SLC26A4: variants seen among roughly 807,000 people sequenced by gnomAD.
The protein encoded by SLC26A4 is pendrin.
Under a neutral mutation model 90.4 loss-of-function variants are expected in SLC26A4, and 93 were observed. The observed-to-expected ratio is 1.03, with a 90% CI of 0.87 to 1.22. The LOEUF (loss-of-function observed/expected upper bound fraction) is 1.22, where lower values mean the gene tolerates loss of function less well. SLC26A4 is among the 50% of genes most tolerant of loss of function. SLC26A4 has a pLI of 0.00. For missense variants in SLC26A4, 1,127 were observed against 946.2 expected (o/e 1.19, Z -2.51); for synonymous variants, 393 against 354.6 (o/e 1.11, Z -1.22).
intron 20 of SLC26A4, among the ~76,000 whole-genome samples, chr7:107,715,198 G>A (rs1225191077): frequency 2.7e-5 from 4 of 150,414 alleles, no homozygotes; most frequent in African/African-American, 9.8e-5. Flanking sequence ...TCACGCCACA[G>A]CACTCCAGCC....
chr7:107,700,483 A>G (rs1271480928), intron 15 of SLC26A4, among the ~76,000 whole-genome samples: 6 of 152,210 alleles, frequency 3.9e-5, no homozygotes, highest in Non-Finnish European at 7.3e-5. Flanking sequence ...TCATAGAAGG[A>G]AGAGATCCAG....
At chr7:107,708,976 A>G (rs1222034258) in intron 18 of SLC26A4, among the ~76,000 whole-genome samples, 2 of 152,186 alleles carry the variant, frequency 1.3e-5, no homozygotes, top group Non-Finnish European at 2.9e-5. Context: ...CTTAGGTTGA[A>G]TTCTTTAGCA....
At chr7:107,696,804 G>T (rs1040302504) in intron 13 of SLC26A4, among the ~76,000 whole-genome samples, 3 of 152,196 alleles carry the variant, frequency 2.0e-5, no homozygotes, top group African/African-American at 7.2e-5. Context: ...GCCCTCCTGG[G>T]CCTAGAGGGG....
Position 107,680,026 on chromosome 7 carries a change from TATATA to T in SLC26A4, c.766-3168_766-3164del, listed in dbSNP as rs1259617658. On this transcript the variant is annotated intron_variant, in intron 6 of 20. Transcript: ENST00000644269. ...ATCTTATTATATAATATAATCTTAT[TATATA>T]ATATAATCTTATCTTATTATATAAT... 4.5e-5 allele frequency among the ~76,000 whole-genome samples: 6 copies of T among 132,426 alleles called. No individual in the cohort carries two copies. The East Asian group carries it at 8.9e-4, about 20-fold the overall frequency. 86.9% of individuals were successfully genotyped at this position (132,426 alleles called of 152,430 possible). A position where few individuals can be genotyped will look rare whatever the true frequency, so the allele number is the denominator to read the frequency against.
chr7:107,677,869 G>T lies in SLC26A4; in HGVS notation c.765+2760G>T, dbSNP rs187327453. On this transcript the variant is annotated intron_variant, in intron 6 of 20. Transcript: ENST00000644269. ...TGAGTTCAAGTGATCCTCTCACTTT[G>T]GCCTCCCAAAGTTCTGGGATTAAAG... 8.5e-5 allele frequency among the ~76,000 whole-genome samples: 13 copies of T among 152,132 alleles called. No individual in the cohort carries two copies. The East Asian group carries it at 2.5e-3, about 29-fold the overall frequency.
Position 107,687,504 on chromosome 7 carries a change from A to G in SLC26A4, c.1002-1549A>G, listed in dbSNP as rs73421447. Among the ~76,000 whole-genome samples the G allele has an allele frequency of 3.2e-3, 486 of 152,322 alleles. 4 individuals carry two copies. The highest frequency in any genetic ancestry group is 0.011 in the African/African-American group (457 of 41,576). On this transcript the variant is annotated intron_variant, in intron 8 of 20. Coordinates refer to ENST00000644269, the MANE Select transcript of SLC26A4 (RefSeq NM_000441.2). ...ACTTACACAAGTGATTCCTCATTGA[A>G]TCATATGAGAAGAATATATAGTCCC...
At chr7:107,698,237 G>C in intron 14 of SLC26A4, 126 bp downstream of exon 14, 2 of 726,206 alleles carry the variant, frequency 2.8e-6, no homozygotes, top group Non-Finnish European at 2.5e-6. Context: ...TAGTCCACAG[G>C]GAGTGTCATG....
At position 107,694,692 on chromosome 7, in the gene SLC26A4, G is replaced by A; in HGVS notation, c.1413G>A (p.Leu471=). 7.4e-6 allele frequency: 12 copies of A among 1,612,888 alleles called. No homozygotes were observed. The highest frequency in any genetic ancestry group is 1.0e-5 in the Non-Finnish European group (12 of 1,178,882). ...MFMQLCDIPR[L]WRQNKIDAVI... Reference sequence around the variant, plus strand: ...TGCAGCTGTGTGACATTCCTCGTCTGTGGAGACAGAATAAGATTGATGCTG... The same window carrying A: ...TGCAGCTGTGTGACATTCCTCGTCTATGGAGACAGAATAAGATTGATGCTG... Residue 471 remains leucine (L), a synonymous_variant, in exon 12 of 21, where the codon CTG becomes CTA. Transcript: ENST00000644269.
At chr7:107,687,216 C>A (rs553229656) in intron 8 of SLC26A4, among the ~76,000 whole-genome samples, 1 of 152,334 alleles carries the variant, frequency 6.6e-6, no homozygotes, top group African/African-American at 2.4e-5. Context: ...GCCTGACATG[C>A]TTGGCTGGGG....
chr7:107,689,253 A>C, intron 9 of SLC26A4, 53 bp downstream of exon 9: 1 of 1,590,332 alleles, frequency 6.3e-7, no homozygotes, highest in Non-Finnish European at 8.6e-7. Context: ...ACAGGAAAAA[A>C]ACATAAATGG....
chr7:107,701,681 T>G (rs1339093969), intron 16 of SLC26A4, 146 bp from the exon 17 acceptor site: 12 of 665,792 alleles, frequency 1.8e-5, no homozygotes, highest in Non-Finnish European at 2.9e-5. Flanking sequence ...AAGTTTGGGC[T>G]GAGGTGAAAC....
At chr7:107,665,965 C>T (rs1790699371) in intron 3 of SLC26A4, among the ~76,000 whole-genome samples, 6 of 152,100 alleles carry the variant, frequency 3.9e-5, no homozygotes, top group Admixed American at 2.0e-4. Flanking sequence ...TAATCTGGCT[C>T]AGTTACACAT....
At chr7:107,693,894 G>T (rs1343544701) in intron 10 of SLC26A4, among the ~76,000 whole-genome samples, 1 of 152,196 alleles carries the variant, frequency 6.6e-6, no homozygotes, top group Non-Finnish European at 1.5e-5. Flanking sequence ...TATTTTCTCT[G>T]AGACTTTAAT....
In SLC26A4 at chr7:107,716,070, C is replaced by G. The variant is rs892989505; in HGVS notation, c.*624C>G. On this transcript the variant is annotated 3_prime_UTR_variant, in exon 21 of 21. Coordinates refer to ENST00000644269, the MANE Select transcript of SLC26A4 (RefSeq NM_000441.2). ...TTTACCTAAAAGCTACAGAACCAGG[C>G]CAATATATTTTGAAATATTGATGCA... The G allele has an allele frequency of 1.3e-5, 2 of 151,660 alleles. No homozygotes were observed. The highest frequency in any genetic ancestry group is 1.5e-5 in the Non-Finnish European group (1 of 67,946). The allele number at this position is 151,660 out of a possible 1,614,324, so 9.4% of individuals were successfully genotyped here.
chr7:107,672,708 G>A (rs1048164782), intron 4 of SLC26A4, among the ~76,000 whole-genome samples: 2 of 152,080 alleles, frequency 1.3e-5, no homozygotes, highest in African/African-American at 4.8e-5. Context: ...TAATTAAAGA[G>A]CATACTTATT....
At chr7:107,676,730 G>A (rs10276013) in intron 6 of SLC26A4, among the ~76,000 whole-genome samples, 79,573 of 152,038 alleles carry the variant, frequency 0.52, 22,253 homozygotes, top group African/African-American at 0.73. Flanking sequence ...GAATTGGTGA[G>A]TATGTCAATA....
chr7:107,663,783 A>G (rs1463573840), intron 3 of SLC26A4, among the ~76,000 whole-genome samples: 2 of 151,900 alleles, frequency 1.3e-5, no homozygotes, highest in Non-Finnish European at 1.5e-5. Context: ...TCCCGGGTTC[A>G]CGCCATTCTC....
intron 12 of SLC26A4, 35 bp from the exon 13 acceptor site, chr7:107,695,898 A>C: frequency 4.2e-5 from 40 of 950,938 alleles, no homozygotes; most frequent in Non-Finnish European, 6.4e-5. Flanking sequence ...CTGATACATT[A>C]ATATAATTCT....
chr7:107,709,978 A>G (rs1792135917), intron 18 of SLC26A4, 76 bp from the exon 19 acceptor site: 1 of 1,268,956 alleles, frequency 7.9e-7, no homozygotes, highest in African/African-American at 1.5e-5. Context: ...GGGCAATAGA[A>G]TGAGACTCTG....
Sources: gnomAD v4.1 joint callset for allele counts (sites outside exome capture counted in the v4.1 genomes callset) on GRCh38, gnomAD v4.1.1 for gene constraint, MANE v1.5 for transcripts, NCBI Gene and HGNC (gene_info 2026-07-23, HGNC 2026-07-21) for gene names.